Variants in RCOR3 observed in about 807,000 individuals in gnomAD.
RCOR3 encodes the protein REST corepressor 3.
RCOR3 carries 13 observed loss-of-function variants against 64.1 expected under a neutral mutation model. The ratio of observed to expected loss-of-function variants is 0.20; its 90% CI spans 0.13 to 0.32. The LOEUF (loss-of-function observed/expected upper bound fraction) is 0.32, where lower values mean the gene tolerates loss of function less well. Among genes scored for constraint, RCOR3 ranks in the 10% least tolerant of loss-of-function variants. The probability of loss-of-function intolerance (pLI) is 1.00; values close to 1 mark genes in which losing one functional copy is unlikely to be tolerated. For synonymous variants in RCOR3, 215 were observed against 239.0 expected (o/e 0.90, Z 0.93); for missense variants, 489 against 701.2 (o/e 0.70, Z 3.42).
chr1:211,309,789 G>GT (rs1342517215), intron 10 of RCOR3, among the ~76,000 whole-genome samples: 1 of 152,222 alleles, frequency 6.6e-6, no homozygotes, highest in Non-Finnish European at 1.5e-5. Flanking sequence ...CTCTGATGCC[G>GT]TAAGTTGTTA....
intron 1 of RCOR3, 26 bp downstream of exon 1, chr1:211,259,752 C>A: frequency 6.9e-7 from 1 of 1,448,202 alleles, no homozygotes; most frequent in Non-Finnish European, 9.1e-7. Flanking sequence ...TCCTCCCCGC[C>A]AGCCCGCCTG....
chr1:211,309,877 T>C (rs553046407), intron 10 of RCOR3, among the ~76,000 whole-genome samples: 2 of 152,292 alleles, frequency 1.3e-5, no homozygotes, highest in Admixed American at 6.5e-5. Context: ...AGGAGCAGTC[T>C]CATTGAGTCA....
intron 7 of RCOR3, among the ~76,000 whole-genome samples, chr1:211,285,897 C>T (rs989724845): frequency 2.0e-5 from 3 of 152,162 alleles, no homozygotes; most frequent in Admixed American, 2.0e-4. Context: ...TATCTTGCTG[C>T]TGAATTGAGC....
At chr1:211,262,271 C>T (rs554373250) in intron 2 of RCOR3, among the ~76,000 whole-genome samples, 1 of 151,772 alleles carries the variant, frequency 6.6e-6, no homozygotes, top group Non-Finnish European at 1.5e-5. Flanking sequence ...CTCCTGACCT[C>T]GTGATCTGCT....
intron 2 of RCOR3, among the ~76,000 whole-genome samples, chr1:211,267,025 G>A (rs961844830): frequency 6.6e-6 from 1 of 152,140 alleles, no homozygotes; most frequent in Non-Finnish European, 1.5e-5. Flanking sequence ...GTGAGAAGAA[G>A]CCTTTTTAGG....
Position 211,315,400 on chromosome 1 carries a change from A to G in RCOR3, c.*1632A>G, listed in dbSNP as rs1387867785. On this transcript the variant is annotated 3_prime_UTR_variant, in exon 12 of 12. Transcript: ENST00000419091. Reference sequence around the variant, plus strand: ...GACTGTGTATTTCCATAAATACCCTACGTACTGGCATATTTGAAACTCTTT... The same window carrying G: ...GACTGTGTATTTCCATAAATACCCTGCGTACTGGCATATTTGAAACTCTTT... 1 of 152,170 alleles carries G rather than the reference A, an allele frequency of 6.6e-6. No individual in the cohort carries two copies. Among genetic ancestry groups the G allele is most frequent in the Non-Finnish European group, 1.5e-5 (1 of 68,002 alleles). 9.4% of individuals were successfully genotyped at this position (152,170 alleles called of 1,614,324 possible). A position where few individuals can be genotyped will look rare whatever the true frequency, so the allele number is the denominator to read the frequency against.
At chr1:211,305,141 G>A (rs576043988) in intron 10 of RCOR3, among the ~76,000 whole-genome samples, 2 of 152,192 alleles carry the variant, frequency 1.3e-5, no homozygotes, top group African/African-American at 2.4e-5. Flanking sequence ...CCGCAGTTTG[G>A]ATTAGAGAGA....
At position 211,260,083 on chromosome 1, in the gene RCOR3, T is replaced by C. The variant is rs190913374; in HGVS notation, c.167-25T>C. ...CTTTTCTTCTTTTTTATTTTTTATA[T>C]ATATTTTTTGGCATTGCTTTGCAGA... is the stretch of plus-strand genomic sequence containing the variant. On this transcript the variant is annotated intron_variant, in intron 1 of 11. Transcript: ENST00000419091. 8 of 1,572,092 alleles carry C rather than the reference T, an allele frequency of 5.1e-6. No individual in the cohort carries two copies. The Admixed American group carries it at 1.1e-4, about 22-fold the overall frequency.
At chr1:211,271,138 T>A in intron 2 of RCOR3, 94 bp from the exon 3 acceptor site, 1 of 1,054,940 alleles carries the variant, frequency 9.5e-7, no homozygotes, top group South Asian at 1.4e-5. Flanking sequence ...ATTACAGGCA[T>A]GAGCCACCGT....
rs995550263 is a variant in RCOR3, at chr1:211,315,786, G to T, written c.*2018G>T. ...TATCCCAGACATGGGCCAAGGTGCT[G>T]TATCTGAGGGATGTGCTGTAATTTG... On this transcript the variant is annotated 3_prime_UTR_variant, in exon 12 of 12. Coordinates refer to ENST00000419091, the MANE Select transcript of RCOR3 (RefSeq NM_001136223.3). 23 of 152,316 alleles carry T rather than the reference G, an allele frequency of 1.5e-4. No homozygotes were observed. The highest frequency in any genetic ancestry group is 1.1e-3 in the Admixed American group (17 of 15,300). The allele number at this position is 152,316 out of a possible 1,614,324, so 9.4% of individuals were successfully genotyped here.
At chr1:211,270,746 G>A (rs1696041662) in intron 2 of RCOR3, among the ~76,000 whole-genome samples, 1 of 152,028 alleles carries the variant, frequency 6.6e-6, no homozygotes, top group African/African-American at 2.4e-5. Context: ...GTTTTTATAA[G>A]CAAAATATTT....
intron 9 of RCOR3, among the ~76,000 whole-genome samples, chr1:211,300,071 CTTTTTTTTTT>C (rs11419492): frequency 8.2e-6 from 1 of 121,282 alleles, no homozygotes; most frequent in East Asian, 2.4e-4. Context: ...TTCTTTCTTT[CTTTTTTTTTT>C]TTTTTTTTGA....
intron 10 of RCOR3, among the ~76,000 whole-genome samples, chr1:211,310,255 A>G (rs1701346153): frequency 6.6e-6 from 1 of 152,298 alleles, no homozygotes; most frequent in Non-Finnish European, 1.5e-5. Context: ...CTCTTGTCCA[A>G]ATGAGACTGC....
In RCOR3 at chr1:211,289,365, T is replaced by C; in HGVS notation, c.908T>C (p.Leu303Pro). 3 of 1,614,098 alleles carry C rather than the reference T, an allele frequency of 1.9e-6. No individual in the cohort carries two copies. In the South Asian group the frequency reaches 3.3e-5, roughly 18 times the overall value. The change falls in exon 8 of 12, where the codon CTG (leucine) becomes CCG (proline). Residue 303 changes from leucine (L) to proline (P), a missense_variant. By Grantham distance (98) the Leu-to-Pro change is moderately conservative. Coordinates refer to ENST00000419091, the MANE Select transcript of RCOR3 (RefSeq NM_001136223.3). The stretch of plus-strand genomic sequence containing the variant: ...GCAGCCAACACCATCCTGAGGCAAC[T>C]GGACATGGAGTTGATCTCTCTAAAA... ...PNAANTILRQ[L>P]DMELISLKRQ...
chr1:211,276,162 A>T, intron 4 of RCOR3, 95 bp from the exon 5 acceptor site: 1 of 1,213,314 alleles, frequency 8.2e-7, no homozygotes, highest in Non-Finnish European at 1.2e-6. Context: ...TCGAAGTCAT[A>T]GGCTTAAGAT....
chr1:211,269,512 G>T (rs1483778685), intron 2 of RCOR3, among the ~76,000 whole-genome samples: 2 of 152,028 alleles, frequency 1.3e-5, no homozygotes, highest in Non-Finnish European at 2.9e-5. Flanking sequence ...CAGGAGAATC[G>T]CTTGAACCTG....
chr1:211,268,266 G>A (rs1695535317), intron 2 of RCOR3, among the ~76,000 whole-genome samples: 1 of 151,724 alleles, frequency 6.6e-6, no homozygotes, highest in South Asian at 2.1e-4. Context: ...CCATTGAGTG[G>A]GTTGGCTATT....
At chr1:211,293,745 A>G (rs191490525) in intron 8 of RCOR3, among the ~76,000 whole-genome samples, 37 of 152,328 alleles carry the variant, frequency 2.4e-4, no homozygotes, top group Middle Eastern at 3.4e-3. Flanking sequence ...TAACATGGCC[A>G]GCTGACTACC....
At chr1:211,260,404 C>T (rs948850396) in intron 2 of RCOR3, among the ~76,000 whole-genome samples, 14 of 152,242 alleles carry the variant, frequency 9.2e-5, no homozygotes, top group Non-Finnish European at 1.8e-4. Flanking sequence ...GGGGCATCGC[C>T]TTCCTAGCCC....
Sources: allele counts gnomAD v4.1 joint callset (sites outside exome capture counted in the v4.1 genomes callset), GRCh38; gene constraint gnomAD v4.1.1; transcripts MANE v1.5; gene names NCBI Gene and HGNC (gene_info 2026-07-23, HGNC 2026-07-21).